The following VGLL4 variants were observed in gnomAD, a reference collection of about 807,000 sequenced individuals.
VGLL4 encodes the protein transcription cofactor vestigial-like protein 4.
VGLL4 carries 7 observed loss-of-function variants against 21.0 expected under a neutral mutation model. That is an observed-to-expected ratio of 0.33 (90% CI 0.19 to 0.63). The LOEUF is 0.63. Ranked by LOEUF, VGLL4 falls within the 20% of genes least tolerant of loss-of-function variation. VGLL4 has a pLI of 0.78. For synonymous variants in VGLL4, 222 were observed against 173.2 expected (o/e 1.28, Z -2.21); for missense variants, 394 against 425.7 (o/e 0.93, Z 0.66).
At chr3:11,670,701 C>G (rs1181219142) in intron 2 of VGLL4, among the ~76,000 whole-genome samples, 9 of 152,030 alleles carry the variant, frequency 5.9e-5, no homozygotes, top group Non-Finnish European at 2.9e-5. Context: ...GATTGAGAGA[C>G]CAGTATCCTG....
rs1329072540 is a variant in VGLL4 at position 11,573,234 on chromosome 3, GAAAAGAAATAGA to G, written c.273-8227_273-8216del. ...AGAGAGAGAGAAAGACAGACAGAAA[GAAAAGAAATAGA>G]GAAAGAAAGAAAGAAAGAAAGAAAG... On this transcript the variant is annotated intron_variant, in intron 2 of 4. Coordinates refer to ENST00000430365, the MANE Select transcript of VGLL4 (RefSeq NM_001128219.3). Among the ~76,000 whole-genome samples, 258 of 127,464 alleles carry G rather than the reference GAAAAGAAATAGA, an allele frequency of 2.0e-3. 12 individuals carry two copies. The highest frequency in any genetic ancestry group is 9.0e-3 in the African/African-American group (247 of 27,446). 83.6% of individuals were successfully genotyped at this position (127,464 alleles called of 152,430 possible).
At chr3:11,713,048 C>G (rs6797660) in intron 1 of VGLL4, among the ~76,000 whole-genome samples, 13 of 151,984 alleles carry the variant, frequency 8.6e-5, no homozygotes, top group Middle Eastern at 3.2e-3. Context: ...GGGCCACAGC[C>G]ACAGAGGAGT....
At chr3:11,671,367 T>TAACTAC (rs2076213037) in intron 2 of VGLL4, 2 of 1,100,744 alleles carry the variant, frequency 1.8e-6, no homozygotes, top group African/African-American at 3.1e-5. Context: ...ACTACGATTC[T>TAACTAC]GCATTTCTAA....
chr3:11,626,191 T>C (rs925568012), intron 1 of VGLL4, among the ~76,000 whole-genome samples: 1 of 152,158 alleles, frequency 6.6e-6, no homozygotes, highest in South Asian at 2.1e-4. Flanking sequence ...GCCCTGGGCA[T>C]TGCAAAAATT....
In VGLL4 at chr3:11,702,990, C is replaced by CT. The variant is rs775493275; in HGVS notation, c.44_45insA (p.His16AlafsTer3). 3 of 1,612,660 alleles carry CT rather than the reference C, an allele frequency of 1.9e-6. No homozygotes were observed. The South Asian group carries it at 3.3e-5, about 18-fold the overall frequency. ...ACTTACGTTTTTCGTCATCAGCATG[C>CT]ACCAGAGATGCTGCCCTGGACAAAA... On this transcript the variant is annotated frameshift_variant, in exon 2 of 6. Transcript: ENST00000273038. LOFTEE classifies it high-confidence loss of function.
chr3:11,685,261 C>T (rs1185826639), intron 2 of VGLL4, among the ~76,000 whole-genome samples: 6 of 148,170 alleles, frequency 4.0e-5, no homozygotes, highest in East Asian at 2.0e-4. Context: ...TGCAGTGGTG[C>T]GATCTCAGCT....
At chr3:11,573,388 A>G (rs773667542) in intron 2 of VGLL4, among the ~76,000 whole-genome samples, 2 of 148,716 alleles carry the variant, frequency 1.3e-5, no homozygotes, top group African/African-American at 4.9e-5. Flanking sequence ...AGAAAGAAAG[A>G]AAGAAAGAAA....
At position 11,719,952 on chromosome 3, in the gene VGLL4, G is replaced by A. The variant is rs1387060710; in HGVS notation, c.-14+442C>T. Among the ~76,000 whole-genome samples the A allele has an allele frequency of 0.015, 3 of 202 alleles. No homozygotes were observed. Among genetic ancestry groups the A allele is most frequent in the Non-Finnish European group, 0.033 (3 of 92 alleles). 0.1% of individuals were successfully genotyped at this position (202 alleles called of 152,430 possible). ...CTGCTGTGGACACGGCATCTCGCAC[G>A]CCCCCGCCCCCGAGGCCCCGCCAGG... On this transcript the variant is annotated intron_variant, in intron 1 of 5. Transcript: ENST00000273038. This position sits in a 1 kb window ranked among gnomAD's most constrained non-coding sequence, Gnocchi z 4.0.
At chr3:11,616,367 G>A (rs967611635) in intron 1 of VGLL4, among the ~76,000 whole-genome samples, 15 of 152,136 alleles carry the variant, frequency 9.9e-5, no homozygotes, top group African/African-American at 2.9e-4. Context: ...TAATCCTATC[G>A]CCTAACGGTG....
At chr3:11,677,113 C>T (rs769857836) in intron 2 of VGLL4, among the ~76,000 whole-genome samples, 1 of 152,142 alleles carries the variant, frequency 6.6e-6, no homozygotes, top group Non-Finnish European at 1.5e-5. Flanking sequence ...TATTTTACAA[C>T]ACTACAATAA....
At chr3:11,584,612 T>A (rs2074319366) in intron 2 of VGLL4, among the ~76,000 whole-genome samples, 1 of 152,094 alleles carries the variant, frequency 6.6e-6, no homozygotes, top group Admixed American at 6.5e-5. Context: ...GATGGAGATA[T>A]TCGAAGTTCT....
In VGLL4 at chr3:11,573,498, G is replaced by A. The variant is rs140096634; in HGVS notation, c.273-8479C>T. On this transcript the variant is annotated intron_variant, in intron 2 of 4. Coordinates refer to ENST00000430365, the MANE Select transcript of VGLL4 (RefSeq NM_001128219.3). ...CAGTATTTGCAGGTCATCCACCTTCGACTTCAACACATGTGACCAGAAACC... is the reference window on the plus strand; with the variant it reads ...CAGTATTTGCAGGTCATCCACCTTCAACTTCAACACATGTGACCAGAAACC... Among the ~76,000 whole-genome samples the A allele has an allele frequency of 4.4e-3, 666 of 152,168 alleles. 4 individuals are homozygous for A. The highest frequency in any genetic ancestry group is 0.015 in the African/African-American group (629 of 41,504).
At position 11,557,586 on chromosome 3, in the gene VGLL4, C is replaced by G. The variant is rs993278182; in HGVS notation, c.*970G>C. On this transcript the variant is annotated 3_prime_UTR_variant, in exon 5 of 5. Transcript: ENST00000430365. ...TTGTGAGTAAAGTGAATATCAAATA[C>G]CAATCTTAGAGTACAACTGTACCAG... 31 of 152,594 alleles carry G rather than the reference C, an allele frequency of 2.0e-4. No homozygotes were observed. Among genetic ancestry groups the G allele is most frequent in the Non-Finnish European group, 2.9e-5 (2 of 68,038 alleles). The allele number at this position is 152,594 out of a possible 1,614,324, so 9.5% of individuals were successfully genotyped here.
At chr3:11,571,255 T>C (rs1228560316) in intron 2 of VGLL4, among the ~76,000 whole-genome samples, 1 of 152,058 alleles carries the variant, frequency 6.6e-6, no homozygotes, top group Non-Finnish European at 1.5e-5. Flanking sequence ...CAGCAACTAC[T>C]GCCATAGCTT....
At chr3:11,693,437 T>C (rs1488934328) in intron 2 of VGLL4, among the ~76,000 whole-genome samples, 2 of 152,178 alleles carry the variant, frequency 1.3e-5, no homozygotes, top group Non-Finnish European at 2.9e-5. Context: ...AGGATTCTCG[T>C]CCTCAACAGG....
intron 2 of VGLL4, among the ~76,000 whole-genome samples, chr3:11,576,445 G>A (rs866161435): frequency 6.6e-6 from 1 of 152,148 alleles, no homozygotes; most frequent in South Asian, 2.1e-4. Context: ...ACATTAAATA[G>A]AGTCCTTGTA....
At chr3:11,709,435 T>TCAAA (rs1228813940) in intron 1 of VGLL4, among the ~76,000 whole-genome samples, 35 of 108,848 alleles carry the variant, frequency 3.2e-4, no homozygotes, top group African/African-American at 1.1e-3. Context: ...AGACTCCGTC[T>TCAAA]AAAAAAAAAA....
intron 3 of VGLL4, 75 bp downstream of exon 3, chr3:11,564,722 T>C (rs1416202861): frequency 1.5e-6 from 2 of 1,345,894 alleles, no homozygotes; most frequent in Non-Finnish European, 2.0e-6. Context: ...CGGAGTCCTC[T>C]GCTCGGGGCT....
At chr3:11,631,805 A>G (rs1438756024) in intron 1 of VGLL4, among the ~76,000 whole-genome samples, 1 of 152,214 alleles carries the variant, frequency 6.6e-6, no homozygotes, top group Admixed American at 6.5e-5. Context: ...AGGAAGAAAG[A>G]AAACAGAACA....
Sources: allele counts gnomAD v4.1 joint callset (sites outside exome capture counted in the v4.1 genomes callset), GRCh38; gene constraint gnomAD v4.1.1; non-coding constraint Gnocchi (gnomAD v3.1); transcripts MANE v1.5; gene names NCBI Gene and HGNC (gene_info 2026-07-23, HGNC 2026-07-21).